NRG3: variants seen among roughly 807,000 people sequenced by gnomAD.
NRG3 encodes pro-neuregulin-3, membrane-bound isoform.
In NRG3, 31 loss-of-function variants were observed where a neutral mutation model predicts 66.9. The ratio of observed to expected loss-of-function variants is 0.46; its 90% CI spans 0.35 to 0.63. The LOEUF is 0.63. Among genes scored for constraint, NRG3 ranks in the 20% least tolerant of loss-of-function variants. The probability of loss-of-function intolerance (pLI) is 0.00; values close to 1 mark genes in which losing one functional copy is unlikely to be tolerated. For missense variants in NRG3, 910 were observed against 878.9 expected (o/e 1.04, Z -0.45); for synonymous variants, 393 against 359.4 (o/e 1.09, Z -1.06).
intron 3 of NRG3, among the ~76,000 whole-genome samples, chr10:82,841,533 C>T (rs760653225): frequency 6.6e-5 from 10 of 152,132 alleles, no homozygotes; most frequent in Non-Finnish European, 1.3e-4. Context: ...AGTCTGAGAT[C>T]TGTAGGGCAG....
At chr10:82,920,857 C>T (rs1047448634) in intron 4 of NRG3, among the ~76,000 whole-genome samples, 5 of 151,926 alleles carry the variant, frequency 3.3e-5, no homozygotes, top group Admixed American at 1.3e-4. Context: ...AATGGAAATC[C>T]ATGTGCATAT....
intron 2 of NRG3, among the ~76,000 whole-genome samples, chr10:82,646,925 A>C (rs2050978090): frequency 6.6e-6 from 1 of 151,848 alleles, no homozygotes; most frequent in African/African-American, 2.4e-5. Context: ...AGAGAGAAAG[A>C]GATAACTTTT....
chr10:82,233,785 T>C (rs2076620334), intron 1 of NRG3, among the ~76,000 whole-genome samples: 1 of 152,138 alleles, frequency 6.6e-6, no homozygotes, highest in South Asian at 2.1e-4. Context: ...TCCATTACTC[T>C]TCCCTTCCTA....
chr10:82,506,558 T>C (rs150510068), intron 2 of NRG3, among the ~76,000 whole-genome samples: 1 of 152,072 alleles, frequency 6.6e-6, no homozygotes, highest in African/African-American at 2.4e-5. Flanking sequence ...TTTTCCTCTC[T>C]TACTCCCTCT....
intron 2 of NRG3, among the ~76,000 whole-genome samples, chr10:82,570,512 A>C (rs1363900771): frequency 6.6e-6 from 1 of 151,670 alleles, no homozygotes; most frequent in Admixed American, 6.6e-5. Flanking sequence ...CTTAATAAAT[A>C]TTTGTTAAAT....
intron 2 of NRG3, among the ~76,000 whole-genome samples, chr10:82,626,604 A>C (rs2049439628): frequency 6.6e-6 from 1 of 152,178 alleles, no homozygotes; most frequent in Non-Finnish European, 1.5e-5. Context: ...ATTACCTTTA[A>C]AAATTATAGA....
intron 2 of NRG3, among the ~76,000 whole-genome samples, chr10:82,428,548 A>G (rs2089596277): frequency 6.6e-6 from 1 of 151,966 alleles, no homozygotes; most frequent in South Asian, 2.1e-4. Context: ...GATTTCTAAA[A>G]TTTCATTTCA....
At chr10:81,919,240 C>T (rs1244603730) in intron 1 of NRG3, among the ~76,000 whole-genome samples, 1 of 152,140 alleles carries the variant, frequency 6.6e-6, no homozygotes, top group Non-Finnish European at 1.5e-5. Context: ...AAAAGAAGTG[C>T]TGAGTTAGGA....
intron 1 of NRG3, among the ~76,000 whole-genome samples, chr10:82,167,936 G>A (rs1386050206): frequency 1.3e-5 from 2 of 151,800 alleles, no homozygotes; most frequent in Non-Finnish European, 2.9e-5. Context: ...TGAGAGGGAT[G>A]TACAGAAGAG....
intron 1 of NRG3, among the ~76,000 whole-genome samples, chr10:82,252,217 G>A (rs755750365): frequency 7.9e-5 from 12 of 152,186 alleles, no homozygotes; most frequent in Non-Finnish European, 1.5e-4. Flanking sequence ...GAAGACAAAT[G>A]ATTTCAACAC....
chr10:82,898,072 G>A (rs187447957), intron 4 of NRG3, among the ~76,000 whole-genome samples: 198 of 152,202 alleles, frequency 1.3e-3, no homozygotes, highest in Non-Finnish European at 1.8e-3. Flanking sequence ...TTAAAGGGAG[G>A]CCAGATGTGC....
intron 3 of NRG3, among the ~76,000 whole-genome samples, chr10:82,801,319 G>A (rs1411293780): frequency 6.6e-6 from 1 of 152,188 alleles, no homozygotes; most frequent in Non-Finnish European, 1.5e-5. Flanking sequence ...GCGTAAGACT[G>A]AAGTAACTAT....
At chr10:82,426,032 A>C (rs1053522554) in intron 2 of NRG3, among the ~76,000 whole-genome samples, 1 of 152,194 alleles carries the variant, frequency 6.6e-6, no homozygotes, top group African/African-American at 2.4e-5. Flanking sequence ...TCTAAGGTAA[A>C]ACGGGTTTTG....
At chr10:82,731,052 G>T (rs1002772247) in intron 2 of NRG3, among the ~76,000 whole-genome samples, 2 of 151,894 alleles carry the variant, frequency 1.3e-5, no homozygotes, top group South Asian at 4.2e-4. Context: ...CTTTTAAATC[G>T]AGGGTAGTCT....
intron 1 of NRG3, chr10:82,340,752 TCA>T (rs1491246227): frequency 1.3e-5 from 2 of 152,034 alleles, no homozygotes; most frequent in Admixed American, 6.6e-5. Context: ...TAGTGTGTGC[TCA>T]AAAAAATGGG....
chr10:82,637,796 G>A (rs1273300227), intron 2 of NRG3, among the ~76,000 whole-genome samples: 4 of 152,162 alleles, frequency 2.6e-5, no homozygotes, highest in Non-Finnish European at 5.9e-5. Flanking sequence ...AACAACTGGT[G>A]AAATTTGAAT....
chr10:82,067,503 A>G (rs1449914860), intron 1 of NRG3, among the ~76,000 whole-genome samples: 3 of 152,084 alleles, frequency 2.0e-5, no homozygotes, highest in Admixed American at 2.0e-4. Context: ...TCCTGCCACC[A>G]TGTCTGGCTA....
chr10:82,092,067 T>G (rs2066058413), intron 1 of NRG3, among the ~76,000 whole-genome samples: 1 of 152,172 alleles, frequency 6.6e-6, no homozygotes, highest in South Asian at 2.1e-4. Flanking sequence ...TTTTTGGCAC[T>G]TATTCCGTGC....
chr10:82,807,616 C>T (rs1296837410), intron 3 of NRG3, among the ~76,000 whole-genome samples: 1 of 152,140 alleles, frequency 6.6e-6, no homozygotes, highest in Non-Finnish European at 1.5e-5. Flanking sequence ...CATCTGGGAG[C>T]TTGTTAGATA....
Sources: gnomAD v4.1 joint callset for allele counts (sites outside exome capture counted in the v4.1 genomes callset) on GRCh38, gnomAD v4.1.1 for gene constraint, MANE v1.5 for transcripts, NCBI Gene and HGNC (gene_info 2026-07-23, HGNC 2026-07-21) for gene names.